G3BP2: variants seen among roughly 807,000 people sequenced by gnomAD.
The protein encoded by G3BP2 is ras GTPase-activating protein-binding protein 2.
G3BP2 carries 11 observed loss-of-function variants against 56.7 expected under a neutral mutation model. The observed-to-expected ratio is 0.19, with a 90% CI of 0.12 to 0.32. The LOEUF is 0.32. G3BP2 is among the 10% of genes least tolerant of loss of function. G3BP2 has a pLI of 1.00. For missense variants in G3BP2, 340 were observed against 610.9 expected (o/e 0.56, Z 4.67); for synonymous variants, 165 against 191.6 (o/e 0.86, Z 1.15).
chr4:75,682,809 G>C (rs986436844), intron 3 of G3BP2, among the ~76,000 whole-genome samples: 1 of 151,896 alleles, frequency 6.6e-6, no homozygotes, highest in African/African-American at 2.4e-5. Context: ...GTGAAACCCC[G>C]TGTCTACTAA....
chr4:75,720,720 C>G (rs1193543723), intron 3 of G3BP2, among the ~76,000 whole-genome samples: 2 of 151,080 alleles, frequency 1.3e-5, no homozygotes, highest in African/African-American at 4.9e-5. Context: ...CGCTTGAACC[C>G]GGGAGGCCGA....
chr4:75,720,011 G>C (rs1029543741), intron 3 of G3BP2, among the ~76,000 whole-genome samples: 2 of 62,470 alleles, frequency 3.2e-5, no homozygotes, highest in African/African-American at 6.2e-5. Flanking sequence ...AGGATGGGGG[G>C]GCCCAGAACC....
intron 1 of G3BP2, among the ~76,000 whole-genome samples, chr4:75,667,932 G>A (rs1733186988): frequency 6.6e-6 from 1 of 152,100 alleles, no homozygotes; most frequent in Admixed American, 6.6e-5. Context: ...TAGTTTAGAG[G>A]CTTTTTACTC....
At chr4:75,693,357 A>G (rs1212345130) in intron 3 of G3BP2, among the ~76,000 whole-genome samples, 2 of 152,236 alleles carry the variant, frequency 1.3e-5, no homozygotes, top group Non-Finnish European at 2.9e-5. Flanking sequence ...ACATGGAACC[A>G]ATGAGGACAT....
intron 3 of G3BP2, among the ~76,000 whole-genome samples, chr4:75,715,927 G>A (rs1719910272): frequency 6.6e-6 from 1 of 152,092 alleles, no homozygotes; most frequent in Non-Finnish European, 1.5e-5. Context: ...ATACTAGAAC[G>A]AGACCTAGAT....
At chr4:75,707,426 G>A (rs1719591348) in intron 3 of G3BP2, among the ~76,000 whole-genome samples, 1 of 151,664 alleles carries the variant, frequency 6.6e-6, no homozygotes, top group African/African-American at 2.4e-5. Flanking sequence ...TCAAGGCCAC[G>A]GTGAAACCCC....
At chr4:75,648,934 C>A (rs1414539019) in intron 8 of G3BP2, 193 bp from the exon 9 acceptor site, 4 of 421,402 alleles carry the variant, frequency 9.5e-6, no homozygotes, top group Non-Finnish European at 1.7e-5. Context: ...CTGTAGGTAG[C>A]TTTTGTTTTC....
rs869037819 is a variant in G3BP2 at position 75,697,273 on chromosome 4, C to CAAAAAAAAAAA, written c.-25+23593_-25+23603dup. 9.8e-3 allele frequency among the ~76,000 whole-genome samples: 281 copies of CAAAAAAAAAAA among 28,616 alleles called. 21 individuals are homozygous for CAAAAAAAAAAA. Among genetic ancestry groups the CAAAAAAAAAAA allele is most frequent in the Non-Finnish European group, 0.012 (196 of 17,024 alleles). The allele number at this position is 28,616 out of a possible 152,430, so 18.8% of individuals were successfully genotyped here. Reference sequence around the variant, plus strand: ...TGGCTGACAGAGCGAGACTCTGTCTCAAAAAAAAAAAAAAAAAAAAAAAAA... The same window carrying CAAAAAAAAAAA: ...TGGCTGACAGAGCGAGACTCTGTCTCAAAAAAAAAAAAAAAAAAAAAAAAAAAAAAAAAAAA... On this transcript the variant is annotated intron_variant, in intron 3 of 3. Transcript: ENST00000499709.
In G3BP2 at chr4:75,646,871, G is replaced by A. The variant is rs1167191953; in HGVS notation, c.1057+158C>T. On this transcript the variant is annotated intron_variant, in intron 10 of 11. Transcript: ENST00000359707. ...AGTCACTGAGAAACATGTGAGATAA[G>A]TCATCTACTCCCTTCTGCACAATTA... Among the ~76,000 whole-genome samples the A allele has an allele frequency of 3.3e-5, 5 of 152,236 alleles. 1 individual carries two copies. Among genetic ancestry groups the A allele is most frequent in the Admixed American group, 3.3e-4 (5 of 15,290 alleles).
intron 3 of G3BP2, chr4:75,695,011 G>T: frequency 2.4e-6 from 2 of 839,470 alleles, no homozygotes; most frequent in Non-Finnish European, 2.9e-6. Context: ...GAATGGCCCT[G>T]TGGCTCAAGA....
chr4:75,667,160 G>C (rs1733105760), intron 1 of G3BP2, among the ~76,000 whole-genome samples: 1 of 152,012 alleles, frequency 6.6e-6, no homozygotes, highest in Non-Finnish European at 1.5e-5. Flanking sequence ...GTGGTAGTGT[G>C]CAAGCGTAGC....
At chr4:75,705,651 A>G (rs1719517636) in intron 3 of G3BP2, among the ~76,000 whole-genome samples, 1 of 152,148 alleles carries the variant, frequency 6.6e-6, no homozygotes, top group Non-Finnish European at 1.5e-5. Context: ...GGACAAAGGC[A>G]TCAGGGCTGA....
chr4:75,708,168 C>T (rs1369449518), intron 3 of G3BP2, among the ~76,000 whole-genome samples: 1 of 152,172 alleles, frequency 6.6e-6, no homozygotes, highest in African/African-American at 2.4e-5. Flanking sequence ...GCTGTCAGGA[C>T]CTTTTCCTTG....
At chr4:75,722,070 A>G (rs1297473441) in intron 2 of G3BP2, among the ~76,000 whole-genome samples, 1 of 152,136 alleles carries the variant, frequency 6.6e-6, no homozygotes, top group African/African-American at 2.4e-5. Context: ...AAACAGGAAT[A>G]CAACACAGTC....
intron 3 of G3BP2, among the ~76,000 whole-genome samples, chr4:75,707,157 A>G (rs897341581): frequency 2.1e-5 from 3 of 145,128 alleles, no homozygotes; most frequent in African/African-American, 7.7e-5. Flanking sequence ...CTGGGCAACA[A>G]GGGCGAAACT....
At chr4:75,664,253 G>C (rs1012524078) in intron 1 of G3BP2, among the ~76,000 whole-genome samples, 3 of 151,304 alleles carry the variant, frequency 2.0e-5, no homozygotes, top group African/African-American at 7.3e-5. Flanking sequence ...TCCTAAGCAT[G>C]TATCTACTGG....
chr4:75,682,902 T>C (rs1284152155), intron 3 of G3BP2, among the ~76,000 whole-genome samples: 1 of 151,558 alleles, frequency 6.6e-6, no homozygotes, highest in Non-Finnish European at 1.5e-5. Flanking sequence ...GAGAATTGCT[T>C]GAACCTGGGA....
At position 75,647,138 on chromosome 4, in the gene G3BP2, C is replaced by G. The variant is rs1390830794; in HGVS notation, c.948G>C (p.Gln316His). The change falls in exon 10 of 12, where the codon CAG (glutamine) becomes CAC (histidine). Residue 316 changes from glutamine to histidine, a missense_variant. Physicochemically the swap from Gln to His is conservative, Grantham distance 24. This residue lies in a region of G3BP2 where 224 missense variants were observed against 332.5 expected (regional missense o/e 0.67). Coordinates refer to ENST00000359707, the MANE Select transcript of G3BP2 (RefSeq NM_203505.3). The stretch of plus-strand genomic sequence containing the variant: ...TTATTCTACGGTTGTCAGAGTCATT[C>G]TGTTCCATATCTCCTCTGCCTGAGA... ...GPRPGRGDME[Q>H]NDSDNRRIIR... 1.3e-6 allele frequency: 2 copies of G among 1,597,954 alleles called. No homozygotes were observed. Among genetic ancestry groups the G allele is most frequent in the Non-Finnish European group, 1.7e-6 (2 of 1,169,188 alleles).
At chr4:75,703,766 G>C (rs1301097399) in intron 3 of G3BP2, among the ~76,000 whole-genome samples, 2 of 152,156 alleles carry the variant, frequency 1.3e-5, no homozygotes, top group African/African-American at 4.8e-5. Context: ...GATGGAAAAT[G>C]ATCCTGAGCT....
Sources: allele counts gnomAD v4.1 joint callset (sites outside exome capture counted in the v4.1 genomes callset), GRCh38; gene constraint gnomAD v4.1.1; regional missense constraint gnomAD v4.1.1; transcripts MANE v1.5; gene names NCBI Gene and HGNC (gene_info 2026-07-23, HGNC 2026-07-21).